PUM2: variants seen among roughly 807,000 people sequenced by gnomAD.
PUM2 encodes pumilio RNA binding family member 2, also known as pumilio homolog 2.
A neutral mutation model predicts 124.5 loss-of-function variants in PUM2; 57 were observed. The ratio of observed to expected loss-of-function variants is 0.46; its 90% CI spans 0.37 to 0.57. The LOEUF is 0.57. Among genes scored for constraint, PUM2 ranks in the 20% least tolerant of loss-of-function variants. PUM2 has a pLI of 0.00. For synonymous variants in PUM2, 460 were observed against 446.1 expected (o/e 1.03, Z -0.39); for missense variants, 1,065 against 1,290.6 (o/e 0.83, Z 2.68).
intron 9 of PUM2, among the ~76,000 whole-genome samples, chr2:20,292,938 AAAC>A (rs2148203162): frequency 6.6e-6 from 1 of 152,158 alleles, no homozygotes; most frequent in East Asian, 1.9e-4. Flanking sequence ...AAAAAAAACA[AAAC>A]AAAACAAAAC....
chr2:20,283,215 A>AGCTGCTGCT lies in PUM2; in HGVS notation c.1443_1451dup (p.Ala482_Ala484dup). ...CTGTAAGGCTACTTGCAGTTCCTCC[A>AGCTGCTGCT]GCTGCTGCTGCTGCTGCTGTAAAAT... On this transcript the variant is annotated inframe_insertion, in exon 12 of 21. Coordinates refer to ENST00000361078, the MANE Select transcript of PUM2 (RefSeq NM_015317.5). 2.5e-6 allele frequency: 4 copies of AGCTGCTGCT among 1,612,314 alleles called. No individual in the cohort carries two copies. The highest frequency in any genetic ancestry group is 1.7e-6 in the Non-Finnish European group (2 of 1,178,594).
chr2:20,336,681 TTGTG>T (rs113658730), intron 1 of PUM2, among the ~76,000 whole-genome samples: 2,016 of 131,400 alleles, frequency 0.015, 49 homozygotes, highest in African/African-American at 0.052. Context: ...CCTGGCTAAT[TTGTG>T]TGTGTGTGTG....
intron 16 of PUM2, 25 bp from the exon 17 acceptor site, chr2:20,256,195 AATT>A (rs1238710379): frequency 1.3e-6 from 2 of 1,562,774 alleles, no homozygotes; most frequent in East Asian, 2.4e-5. Context: ...ATGTCATTTA[AATT>A]ATTACCTCAA....
chr2:20,263,607 G>A (rs1173821656), intron 13 of PUM2, 147 bp from the exon 14 acceptor site: 27 of 944,486 alleles, frequency 2.9e-5, no homozygotes, highest in Non-Finnish European at 3.9e-5. Context: ...AATTGGGAGG[G>A]GAAAATCTCA....
chr2:20,263,583 T>C, intron 13 of PUM2, 123 bp from the exon 14 acceptor site: 1 of 1,179,878 alleles, frequency 8.5e-7, no homozygotes, highest in South Asian at 1.6e-5. Context: ...CTACTTGTTA[T>C]GACAGAAAAT....
intron 14 of PUM2, among the ~76,000 whole-genome samples, chr2:20,261,177 G>T (rs969247709): frequency 6.6e-6 from 1 of 152,058 alleles, no homozygotes; most frequent in Non-Finnish European, 1.5e-5. Flanking sequence ...GATCACCTGA[G>T]GTCAGGAGTT....
intron 1 of PUM2, among the ~76,000 whole-genome samples, chr2:20,336,169 C>CA (rs1685965803): frequency 6.6e-6 from 1 of 151,502 alleles, no homozygotes; most frequent in African/African-American, 2.4e-5. Flanking sequence ...TTACATAACA[C>CA]AAAAAGCGTT....
At chr2:20,325,691 G>A (rs896998943) in intron 2 of PUM2, among the ~76,000 whole-genome samples, 9 of 150,278 alleles carry the variant, frequency 6.0e-5, no homozygotes, top group South Asian at 2.1e-4. Flanking sequence ...GTGCAATCTC[G>A]GCTCACTGCA....
At chr2:20,326,997 C>G (rs1683841508) in intron 2 of PUM2, among the ~76,000 whole-genome samples, 2 of 151,914 alleles carry the variant, frequency 1.3e-5, no homozygotes. Context: ...ATATATAAAA[C>G]AGCAGAACAA....
rs373119069 is a variant in PUM2 at position 20,270,798 on chromosome 2, C to T, written c.1958-7338G>A. On this transcript the variant is annotated intron_variant, in intron 13 of 20. Transcript: ENST00000361078. ...ACAAAACCACTCAAATTCAATTACC[C>T]AAACATTCAATGAAATCTGAGTATT... 4.6e-5 allele frequency among the ~76,000 whole-genome samples: 7 copies of T among 152,142 alleles called. No individual in the cohort carries two copies. The East Asian group carries it at 1.3e-3, about 29-fold the overall frequency.
chr2:20,311,433 A>G, intron 5 of PUM2, 61 bp downstream of exon 5: 1 of 1,457,412 alleles, frequency 6.9e-7, no homozygotes, highest in Non-Finnish European at 9.3e-7. Context: ...CAGTCACATC[A>G]ACTAATAGTA....
intron 1 of PUM2, among the ~76,000 whole-genome samples, chr2:20,327,743 G>C (rs555357085): frequency 1.3e-5 from 2 of 152,090 alleles, no homozygotes; most frequent in Non-Finnish European, 2.9e-5. Context: ...CCCGAGGGAA[G>C]GCCTAGATGT....
chr2:20,263,634 A>G (rs752499058), intron 13 of PUM2, among the ~76,000 whole-genome samples, 174 bp from the exon 14 acceptor site: 7 of 152,238 alleles, frequency 4.6e-5, no homozygotes, highest in Non-Finnish European at 1.0e-4. Flanking sequence ...TACCTCATGT[A>G]TGTGGCTATA....
intron 3 of PUM2, among the ~76,000 whole-genome samples, chr2:20,315,557 G>A (rs1341170773): frequency 6.6e-6 from 1 of 151,966 alleles, no homozygotes; most frequent in Non-Finnish European, 1.5e-5. Context: ...GAGATGAGTG[G>A]TACAAAAAAT....
chr2:20,260,231 ATCT>A (rs1201471720), intron 15 of PUM2, 103 bp downstream of exon 15: 2 of 1,229,570 alleles, frequency 1.6e-6, no homozygotes, highest in African/African-American at 3.1e-5. Flanking sequence ...CTGGCTTATT[ATCT>A]TTTTTTATAT....
chr2:20,288,025 A>G lies in PUM2; in HGVS notation c.1291+2627T>C, dbSNP rs117898092. Among the ~76,000 whole-genome samples the G allele has an allele frequency of 7.5e-4, 114 of 152,352 alleles. No individual in the cohort carries two copies. The East Asian group carries it at 0.019, about 25-fold the overall frequency. The stretch of plus-strand genomic sequence containing the variant: ...GATGCAGATGTAAATTCACAGGGAT[A>G]ATAGTTGAAAGGATTAATGCAAATA... On this transcript the variant is annotated intron_variant, in intron 10 of 20. Transcript: ENST00000361078.
intron 2 of PUM2, among the ~76,000 whole-genome samples, chr2:20,321,439 A>G (rs1330914473): frequency 1.3e-5 from 2 of 152,174 alleles, no homozygotes; most frequent in African/African-American, 2.4e-5. Context: ...AGAAGTTTTT[A>G]TGCACAGGAA....
intron 1 of PUM2, chr2:20,331,576 G>A (rs1684914214): frequency 6.7e-6 from 1 of 148,192 alleles, no homozygotes; most frequent in African/African-American, 2.5e-5. Flanking sequence ...TGTGGGGAAA[G>A]GGCAAACCCA....
intron 7 of PUM2, among the ~76,000 whole-genome samples, chr2:20,302,657 A>C (rs1373936574): frequency 6.6e-6 from 1 of 152,206 alleles, no homozygotes; most frequent in Non-Finnish European, 1.5e-5. Context: ...CCAGTACCAC[A>C]CTATTTTAAT....
Sources: allele counts gnomAD v4.1 joint callset (sites outside exome capture counted in the v4.1 genomes callset), GRCh38; gene constraint gnomAD v4.1.1; transcripts MANE v1.5; gene names NCBI Gene and HGNC (gene_info 2026-07-23, HGNC 2026-07-21).